The following MDN1 variants were observed in gnomAD, a reference collection of about 807,000 sequenced individuals.
The protein encoded by MDN1 is midasin.
A neutral mutation model predicts 669.2 loss-of-function variants in MDN1; 266 were observed. The observed-to-expected ratio is 0.40, with a 90% CI of 0.36 to 0.44. MDN1 has a LOEUF of 0.44. Ranked by LOEUF, MDN1 falls within the 20% of genes least tolerant of loss-of-function variation. The pLI is 1.00. For synonymous variants in MDN1, 2,385 were observed against 2,457.1 expected (o/e 0.97, Z 0.87); for missense variants, 5,940 against 6,754.0 (o/e 0.88, Z 4.22).
chr6:89,710,099 T>C (rs957098710), intron 50 of MDN1, among the ~76,000 whole-genome samples: 2 of 152,216 alleles, frequency 1.3e-5, no homozygotes, highest in African/African-American at 4.8e-5. Flanking sequence ...TAAATGACCC[T>C]GTGTAACTTT....
At position 89,722,846 on chromosome 6, in the gene MDN1, C is replaced by CAA. The variant is rs34376900; in HGVS notation, c.5967+107_5967+108dup. Reference sequence around the variant, plus strand: ...GGGCAACAAGAGTGAAACCCAGTCTCAAAAAAAAAAAAAAAAAAAAAGGCT... The same window carrying CAA: ...GGGCAACAAGAGTGAAACCCAGTCTCAAAAAAAAAAAAAAAAAAAAAAAGGCT... On this transcript the variant is annotated intron_variant, in intron 40 of 101. Coordinates refer to ENST00000369393, the MANE Select transcript of MDN1 (RefSeq NM_014611.3). 1.0e-3 allele frequency: 709 copies of CAA among 691,270 alleles called. 4 individuals are homozygous for CAA. Among genetic ancestry groups the CAA allele is most frequent in the African/African-American group, 8.5e-3 (318 of 37,228 alleles). The allele number at this position is 691,270 out of a possible 1,614,324, so 42.8% of individuals were successfully genotyped here.
At chr6:89,682,458 G>A (rs562277239) in intron 73 of MDN1, among the ~76,000 whole-genome samples, 24 of 152,120 alleles carry the variant, frequency 1.6e-4, no homozygotes, top group African/African-American at 4.6e-4. Context: ...CCTGTAATCC[G>A]AGCACTTTGG....
At chr6:89,770,157 G>A (rs1173049632) in intron 15 of MDN1, among the ~76,000 whole-genome samples, 1 of 152,010 alleles carries the variant, frequency 6.6e-6, no homozygotes, top group Admixed American at 6.6e-5. Flanking sequence ...TGTAATCCCA[G>A]CAATTTGGGA....
In MDN1 at chr6:89,648,015, T is replaced by C; in HGVS notation, c.16395+17A>G. On this transcript the variant is annotated intron_variant, in intron 99 of 101. Transcript: ENST00000369393. ...TAAAAATAACTGTGCAGAAGACATT[T>C]TATTTCATCCTCTTACCTGAGCAAT... 6.3e-7 allele frequency: 1 copy of C among 1,576,882 alleles called. No individual in the cohort carries two copies.
intron 2 of MDN1, among the ~76,000 whole-genome samples, chr6:89,800,861 C>T (rs562522102): frequency 6.6e-6 from 1 of 152,110 alleles, no homozygotes; most frequent in African/African-American, 2.4e-5. Flanking sequence ...TAGACAGTCT[C>T]AGAGTTGAAC....
rs747667061 is a variant in MDN1 at position 89,692,656 on chromosome 6, A to G, written c.10374T>C (p.Thr3458=). ...CCTCCTCAGACTTCACCGAGCACAA[A>G]GTGTCTGCATGAGCATAGTAAGTCG... ...TFPTYYAHAD[T]LCSVKSEEVL... The change falls in exon 63 of 102, where the codon ACT becomes ACC. Residue 3458 remains threonine, a synonymous_variant. Coordinates refer to ENST00000369393, the MANE Select transcript of MDN1 (RefSeq NM_014611.3). 2 of 1,614,158 alleles carry G rather than the reference A, an allele frequency of 1.2e-6. No individual in the cohort carries two copies. Among genetic ancestry groups the G allele is most frequent in the Non-Finnish European group, 1.7e-6 (2 of 1,180,020 alleles).
chr6:89,765,482 T>C (rs886212573), intron 15 of MDN1, among the ~76,000 whole-genome samples: 1 of 152,226 alleles, frequency 6.6e-6, no homozygotes, highest in Non-Finnish European at 1.5e-5. Context: ...TTTTATTTAT[T>C]TAACTTTTTA....
At position 89,745,554 on chromosome 6, in the gene MDN1, T is replaced by C; in HGVS notation, c.3977A>G (p.His1326Arg). The C allele has an allele frequency of 6.2e-7, 1 of 1,614,188 alleles. No homozygotes were observed. The highest frequency in any genetic ancestry group is 8.5e-7 in the Non-Finnish European group (1 of 1,180,014). Residue 1326 changes from histidine (H) to arginine (R), a missense_variant, in exon 28 of 102, where the codon CAT becomes CGT. Physicochemically the swap from His to Arg is conservative, Grantham distance 29 (BLOSUM62 0). Transcript: ENST00000369393. ...IDVIQEVLEK[H>R]FKKKLCPQSL... ...TTGAGGACACAATTTTTTCTTGAAA[T>C]GTTTCTCAAGGACTTCTTGAATCAC...
chr6:89,772,556 T>C lies in MDN1; in HGVS notation c.2083+17A>G, dbSNP rs992440881. 6 of 1,603,992 alleles carry C rather than the reference T, an allele frequency of 3.7e-6. No homozygotes were observed. Among genetic ancestry groups the C allele is most frequent in the South Asian group, 3.3e-5 (3 of 90,100 alleles). ...TGTGAAATATCTGGGGGCAGATTTA[T>C]TTCCTCTAGGGATTACCTGTAATGT... On this transcript the variant is annotated intron_variant, in intron 14 of 101. Transcript: ENST00000369393.
At position 89,738,309 on chromosome 6, in the gene MDN1, C is replaced by T. The variant is rs1165746130; in HGVS notation, c.4723+17G>A. 1 of 1,612,750 alleles carries T rather than the reference C, an allele frequency of 6.2e-7. No homozygotes were observed. The highest frequency in any genetic ancestry group is 2.2e-5 in the East Asian group (1 of 44,834). ...TTCTATGACCCAATACTACCATCAC[C>T]ACCTGCAAACTCTCACCTTTAGGAT... On this transcript the variant is annotated intron_variant, in intron 33 of 101. Coordinates refer to ENST00000369393, the MANE Select transcript of MDN1 (RefSeq NM_014611.3).
At chr6:89,690,954 C>A in intron 63 of MDN1, 120 bp from the exon 64 acceptor site, 2 of 1,210,276 alleles carry the variant, frequency 1.7e-6, no homozygotes, top group Admixed American at 2.8e-5. Context: ...CAAATAAAAG[C>A]CAACATCCAA....
At chr6:89,776,039 C>T (rs1287339518) in intron 12 of MDN1, among the ~76,000 whole-genome samples, 1 of 152,206 alleles carries the variant, frequency 6.6e-6, no homozygotes, top group Admixed American at 6.5e-5. Context: ...TGGAAAAACT[C>T]TGCATTAAGT....
At position 89,712,345 on chromosome 6, in the gene MDN1, T is replaced by C. The variant is rs1033393735; in HGVS notation, c.7431-89A>G. On this transcript the variant is annotated intron_variant, in intron 48 of 101. Coordinates refer to ENST00000369393, the MANE Select transcript of MDN1 (RefSeq NM_014611.3). ...ACTGAGAAAACCTCTTTCACAAATA[T>C]TGGATCAAAGGTAAGAGAGAAAAGG... 22 of 1,269,544 alleles carry C rather than the reference T, an allele frequency of 1.7e-5. No individual in the cohort carries two copies. In the African/African-American group the frequency reaches 3.1e-4, roughly 18 times the overall value. The allele number at this position is 1,269,544 out of a possible 1,614,324, so 78.6% of individuals were successfully genotyped here.
At chr6:89,686,690 CT>C (rs989142744) in intron 69 of MDN1, among the ~76,000 whole-genome samples, 4 of 152,230 alleles carry the variant, frequency 2.6e-5, no homozygotes, top group Non-Finnish European at 4.4e-5. Flanking sequence ...ACATTTAAAC[CT>C]CTCACACTTT....
chr6:89,761,623 T>A (rs1377011374), intron 17 of MDN1, 22 bp downstream of exon 17: 1 of 1,544,578 alleles, frequency 6.5e-7, no homozygotes, highest in Non-Finnish European at 8.9e-7. Context: ...TCCCATAAGC[T>A]AAATAACAAA....
At chr6:89,644,847 A>AT (rs1287282381) in intron 101 of MDN1, among the ~76,000 whole-genome samples, 168 bp downstream of exon 101, 2 of 152,224 alleles carry the variant, frequency 1.3e-5, no homozygotes, top group African/African-American at 4.8e-5. Context: ...TATTGCAAAG[A>AT]TTAATAGAGA....
intron 32 of MDN1, among the ~76,000 whole-genome samples, chr6:89,739,222 G>A (rs540923646): frequency 2.5e-4 from 38 of 152,174 alleles, no homozygotes; most frequent in African/African-American, 8.2e-4. Flanking sequence ...TTAGGCATGC[G>A]AAACTAAAAA....
chr6:89,789,431 T>G (rs1228646111), intron 7 of MDN1, among the ~76,000 whole-genome samples: 2 of 152,206 alleles, frequency 1.3e-5, no homozygotes, highest in African/African-American at 4.8e-5. Flanking sequence ...AAGTTCTCAA[T>G]GTACATGTAA....
In MDN1 at chr6:89,683,119, C is replaced by T; in HGVS notation, c.12102+13G>A. 3.7e-6 allele frequency: 6 copies of T among 1,613,746 alleles called. No individual in the cohort carries two copies. The highest frequency in any genetic ancestry group is 5.1e-6 in the Non-Finnish European group (6 of 1,179,962). ...GCTTGGGAATAAGCCAGCACTGTCC[C>T]ACAACCAAGTACCTGCCCAGCTGCT... On this transcript the variant is annotated intron_variant, in intron 73 of 101. Transcript: ENST00000369393.
Sources: allele counts gnomAD v4.1 joint callset (sites outside exome capture counted in the v4.1 genomes callset), GRCh38; gene constraint gnomAD v4.1.1; transcripts MANE v1.5; gene names NCBI Gene and HGNC (gene_info 2026-07-23, HGNC 2026-07-21).